GPC3: variants seen among roughly 807,000 people sequenced by gnomAD.
GPC3 encodes the protein glypican 3, also known as glypican-3.
Under a neutral mutation model 34.4 loss-of-function variants are expected in GPC3, and 3 were observed. The ratio of observed to expected loss-of-function variants is 0.09; its 90% confidence interval spans 0.04 to 0.23. The LOEUF (loss-of-function observed/expected upper bound fraction) is 0.23, where lower values mean the gene tolerates loss of function less well. GPC3 is among the 10% of genes least tolerant of loss of function. The pLI is 1.00. For synonymous variants in GPC3, 177 were observed against 174.0 expected, an observed-to-expected ratio of 1.02 and a Z score of -0.13; for missense variants, 351 against 445.6, an observed-to-expected ratio of 0.79 and a Z score of 1.91.
At chrX:133,769,449 A>G (rs2071889868) in intron 2 of GPC3, among the ~76,000 whole-genome samples, 1 of 112,389 alleles carries the variant, frequency 8.9e-6, no homozygotes, top group Non-Finnish European at 1.9e-5. Context: ...GAAGATGGAT[A>G]TGTTTATGGC....
intron 2 of GPC3, among the ~76,000 whole-genome samples, chrX:133,856,733 T>C (rs1346947687): frequency 8.9e-6 from 1 of 112,172 alleles, no homozygotes; most frequent in South Asian, 3.7e-4. Flanking sequence ...ACTAACTTTA[T>C]AGCTACAAAC....
At chrX:133,617,993 C>A (rs2070185576) in intron 6 of GPC3, among the ~76,000 whole-genome samples, 1 of 111,899 alleles carries the variant, frequency 8.9e-6, no homozygotes, top group African/African-American at 3.2e-5. Context: ...AAATTACTAT[C>A]AATATTTGTC....
intron 3 of GPC3, among the ~76,000 whole-genome samples, chrX:133,720,231 C>T (rs1029686695): frequency 1.8e-5 from 2 of 111,756 alleles, no homozygotes; most frequent in African/African-American, 6.5e-5. Context: ...CTTGTACACA[C>T]GTTTATAGCA....
chrX:133,640,538 G>C (rs1231063160), intron 6 of GPC3, among the ~76,000 whole-genome samples: 1 of 112,453 alleles, frequency 8.9e-6, no homozygotes, highest in Non-Finnish European at 1.9e-5. Flanking sequence ...GGCAGCCTCT[G>C]CCGAAGGCCC....
chrX:133,887,184 T>G (rs2076065424), intron 2 of GPC3, among the ~76,000 whole-genome samples: 1 of 112,138 alleles, frequency 8.9e-6, no homozygotes, highest in Non-Finnish European at 1.9e-5. Context: ...TTTGTGTATA[T>G]TTTGTAGGAA....
At chrX:133,536,366 A>T (rs2069292624) in intron 7 of GPC3, 73 bp from the exon 8 acceptor site, 2 of 791,083 alleles carry the variant, frequency 2.5e-6, no homozygotes, top group African/African-American at 4.2e-5. Flanking sequence ...GCACAGCTCG[A>T]GCATGTGTCT....
intron 6 of GPC3, among the ~76,000 whole-genome samples, chrX:133,634,767 C>T (rs763511643): frequency 7.2e-5 from 8 of 111,669 alleles, no homozygotes; most frequent in Non-Finnish European, 1.3e-4. Context: ...GATGGTTGCA[C>T]AATTGTATAA....
At chrX:133,702,993 G>A in intron 3 of GPC3, among the ~76,000 whole-genome samples, 1 of 112,399 alleles carries the variant, frequency 8.9e-6, no homozygotes. Context: ...GACACTAAAA[G>A]AAAACATAAC....
At chrX:133,951,047 AGTGTGTGTGT>A (rs373690687) in intron 2 of GPC3, among the ~76,000 whole-genome samples, 181 of 76,694 alleles carry the variant, frequency 2.4e-3, no homozygotes, top group African/African-American at 5.9e-3. Context: ...AATTCAAGAA[AGTGTGTGTGT>A]GTGTGTGTGT....
At chrX:133,802,201 T>C (rs746600421) in intron 2 of GPC3, among the ~76,000 whole-genome samples, 5 of 111,914 alleles carry the variant, frequency 4.5e-5, no homozygotes, top group Middle Eastern at 4.6e-3. Flanking sequence ...ATCTTAAACA[T>C]GGTACATAAA....
chrX:133,812,121 G>A (rs775925612), intron 2 of GPC3, among the ~76,000 whole-genome samples: 1 of 111,551 alleles, frequency 9.0e-6, no homozygotes, highest in Admixed American at 9.5e-5. Flanking sequence ...CATGTTATTT[G>A]GACAAAATTT....
chrX:133,719,167 T>C (rs533705294), intron 3 of GPC3, among the ~76,000 whole-genome samples: 3 of 111,348 alleles, frequency 2.7e-5, no homozygotes, highest in African/African-American at 9.8e-5. Flanking sequence ...TGGAACGTTC[T>C]TCAGTACAGG....
intron 2 of GPC3, among the ~76,000 whole-genome samples, chrX:133,908,030 C>T (rs2076177743): frequency 9.1e-6 from 1 of 110,414 alleles, no homozygotes; most frequent in Non-Finnish European, 1.9e-5. Flanking sequence ...GATACTAGTG[C>T]CAGAACTTTC....
intron 1 of GPC3, among the ~76,000 whole-genome samples, chrX:133,971,291 TC>T (rs2076492021): frequency 8.9e-6 from 1 of 112,467 alleles, no homozygotes; most frequent in Non-Finnish European, 1.9e-5. Flanking sequence ...AATACTCAGT[TC>T]TTAGAAAATG....
chrX:133,543,640 C>G, intron 7 of GPC3, among the ~76,000 whole-genome samples: 1 of 112,533 alleles, frequency 8.9e-6, no homozygotes, highest in Non-Finnish European at 1.9e-5. Context: ...GGCATGGCCT[C>G]TCTTATTGTA....
At chrX:133,613,702 A>T (rs1400554928) in intron 6 of GPC3, among the ~76,000 whole-genome samples, 1 of 112,334 alleles carries the variant, frequency 8.9e-6, no homozygotes, top group African/African-American at 3.2e-5. Context: ...AGATTTAAAA[A>T]ATTGAACCAA....
rs752194694 is a variant in GPC3 at position 133,753,754 on chromosome X, G to T, written c.760C>A (p.Arg254=). Residue 254 remains arginine (R), a synonymous_variant, in exon 3 of 8, where the codon CGA becomes AGA. Coordinates refer to ENST00000370818, the MANE Select transcript of GPC3 (RefSeq NM_004484.4). ...DHLKFSKDCG[R]MLTRMWYCSY... is the part of the protein sequence containing the mutation. ...CAGTACCACATTCTGGTGAGCATTC[G>T]GCCACAGTCCTTACTGAACTTCAGG... The T allele has an allele frequency of 8.3e-7, 1 of 1,209,719 alleles. No homozygotes were observed. Among genetic ancestry groups the T allele is most frequent in the East Asian group, 3.0e-5 (1 of 33,759 alleles).
At chrX:133,957,787 A>T (rs1352782289) in intron 1 of GPC3, among the ~76,000 whole-genome samples, 1 of 112,076 alleles carries the variant, frequency 8.9e-6, no homozygotes. Flanking sequence ...TATTAGATAT[A>T]AGGGACAAGT....
intron 1 of GPC3, among the ~76,000 whole-genome samples, chrX:133,968,724 T>C (rs2076475954): frequency 1.1e-5 from 1 of 91,165 alleles, no homozygotes; most frequent in Non-Finnish European, 2.1e-5. Context: ...CAACCTAGGC[T>C]TTTTTTTTTT....
Sources: allele counts gnomAD v4.1 joint callset (sites outside exome capture counted in the v4.1 genomes callset), GRCh38; gene constraint gnomAD v4.1.1; transcripts MANE v1.5; gene names NCBI Gene and HGNC (gene_info 2026-07-23, HGNC 2026-07-21).